The following AGO2 variants were observed in gnomAD, a reference collection of about 807,000 sequenced individuals.
AGO2 encodes the protein protein argonaute-2.
AGO2 carries 5 observed loss-of-function variants against 102.3 expected under a neutral mutation model. That is an observed-to-expected ratio of 0.05 (90% CI 0.03 to 0.10). The LOEUF (loss-of-function observed/expected upper bound fraction) is 0.10, where lower values mean the gene tolerates loss of function less well. Ranked by LOEUF, AGO2 falls within the 10% of genes least tolerant of loss-of-function variation. The probability of loss-of-function intolerance (pLI) is 1.00; values close to 1 mark genes in which losing one functional copy is unlikely to be tolerated. For missense variants in AGO2, 541 were observed against 1,183.7 expected, an observed-to-expected ratio of 0.46 and a Z score of 7.97; for synonymous variants, 449 against 473.1, an observed-to-expected ratio of 0.95 and a Z score of 0.66.
At chr8:140,604,896 G>A (rs1048232640) in intron 1 of AGO2, among the ~76,000 whole-genome samples, 41 of 152,070 alleles carry the variant, frequency 2.7e-4, no homozygotes, top group African/African-American at 7.5e-4. Flanking sequence ...TCAAGGAATG[G>A]CCATTTATCA....
At chr8:140,555,870 C>T in intron 10 of AGO2, 26 bp downstream of exon 10, 2 of 1,606,800 alleles carry the variant, frequency 1.2e-6, no homozygotes, top group East Asian at 4.5e-5. Flanking sequence ...CCCGCAGCCA[C>T]ACGTTCCCCG....
chr8:140,607,458 TTATATA>T lies in AGO2; in HGVS notation c.23-22153_23-22148del, dbSNP rs1167371585. On this transcript the variant is annotated intron_variant, in intron 1 of 18. Transcript: ENST00000220592. ...CTCACCCCCACCTCTTAAAGAAAAATTATATATATATATATATATATATATATATAT... is the reference window on the plus strand; with the variant it reads ...CTCACCCCCACCTCTTAAAGAAAAATTATATATATATATATATATATATAT... 8.4e-3 allele frequency among the ~76,000 whole-genome samples: 582 copies of T among 69,218 alleles called. 11 individuals are homozygous for T. Among genetic ancestry groups the T allele is most frequent in the Middle Eastern group, 0.014 (2 of 142 alleles). 45.4% of individuals were successfully genotyped at this position (69,218 alleles called of 152,430 possible).
chr8:140,554,355 T>C (rs556765397), intron 10 of AGO2, among the ~76,000 whole-genome samples: 1 of 152,040 alleles, frequency 6.6e-6, no homozygotes, highest in Non-Finnish European at 1.5e-5. Flanking sequence ...GCAGTGGCCA[T>C]GCCCACCACC....
chr8:140,572,974 G>T, intron 2 of AGO2, 42 bp from the exon 3 acceptor site: 1 of 1,576,324 alleles, frequency 6.3e-7, no homozygotes, highest in Non-Finnish European at 8.6e-7. Flanking sequence ...CAATAAAATG[G>T]AGAAAATGGC....
Position 140,614,790 on chromosome 8 carries a change from G to C in AGO2, c.22+20695C>G, listed in dbSNP as rs939905979. ...AAACGGGAGGATGGCAGGACCCACA[G>C]AGTCATGACCGCCTAAAGCCCTTTG... On this transcript the variant is annotated intron_variant, in intron 1 of 18. Coordinates refer to ENST00000220592, the MANE Select transcript of AGO2 (RefSeq NM_012154.5). 3.3e-5 allele frequency among the ~76,000 whole-genome samples: 5 copies of C among 152,200 alleles called. No individual in the cohort carries two copies. In the East Asian group the frequency reaches 7.7e-4, roughly 23 times the overall value.
chr8:140,631,127 G>GC (rs1386325002), intron 1 of AGO2, among the ~76,000 whole-genome samples: 1 of 151,196 alleles, frequency 6.6e-6, no homozygotes, highest in African/African-American at 2.4e-5. Flanking sequence ...TCTCCAAACA[G>GC]CCCCCCTCAA....
intron 2 of AGO2, among the ~76,000 whole-genome samples, chr8:140,575,832 G>C (rs547376660): frequency 1.3e-5 from 2 of 152,096 alleles, no homozygotes; most frequent in Admixed American, 1.3e-4. Flanking sequence ...CATGAAACAG[G>C]TTATAAACCT....
intron 17 of AGO2, among the ~76,000 whole-genome samples, chr8:140,534,036 C>G (rs1158714580): frequency 6.6e-6 from 1 of 152,248 alleles, no homozygotes; most frequent in Non-Finnish European, 1.5e-5. Context: ...CTGTCCAGCA[C>G]AGTCCCTGCC....
intron 1 of AGO2, among the ~76,000 whole-genome samples, chr8:140,615,581 A>G (rs545582660): frequency 6.6e-6 from 1 of 152,386 alleles, no homozygotes; most frequent in South Asian, 2.1e-4. Context: ...CTGACACTTC[A>G]GGGACAGAAT....
At chr8:140,593,875 C>T (rs1303798651) in intron 1 of AGO2, among the ~76,000 whole-genome samples, 1 of 152,160 alleles carries the variant, frequency 6.6e-6, no homozygotes, top group Non-Finnish European at 1.5e-5. Flanking sequence ...CACCAAGCCA[C>T]GCTGCCTTGA....
intron 2 of AGO2, among the ~76,000 whole-genome samples, chr8:140,584,827 G>A (rs930988720): frequency 3.2e-4 from 48 of 152,046 alleles, no homozygotes; most frequent in African/African-American, 1.1e-3. Context: ...AACTTTCTAG[G>A]GTGATCAGTA....
rs1333420407 is a variant in AGO2 at position 140,549,095 on chromosome 8, CG to C, written c.1588+18del. ...GACCACGACGGCTCCCCACAGCCAG[CG>C]GGAGCGCCCACACCTACCGTACACG... On this transcript the variant is annotated intron_variant, in intron 12 of 18. Transcript: ENST00000220592. 2 of 1,576,228 alleles carry C rather than the reference CG, an allele frequency of 1.3e-6. No homozygotes were observed. Among genetic ancestry groups the C allele is most frequent in the African/African-American group, 2.7e-5 (2 of 74,232 alleles).
intron 1 of AGO2, among the ~76,000 whole-genome samples, chr8:140,619,662 CAT>C (rs751942603): frequency 2.7e-4 from 41 of 152,348 alleles, no homozygotes; most frequent in Admixed American, 1.6e-3. Context: ...GAGCCACACA[CAT>C]GAGGGCTGCG....
In AGO2 at chr8:140,612,833, T is replaced by C. The variant is rs1454779206; in HGVS notation, c.22+22652A>G. Among the ~76,000 whole-genome samples the C allele has an allele frequency of 5.3e-5, 8 of 151,972 alleles. No individual in the cohort carries two copies. In the East Asian group the frequency reaches 1.5e-3, roughly 29 times the overall value. On this transcript the variant is annotated intron_variant, in intron 1 of 18. Coordinates refer to ENST00000220592, the MANE Select transcript of AGO2 (RefSeq NM_012154.5). ...AATACCCATAATTATCTGAAAAGGC[T>C]ACAACAACAACCCTCCCTTCCAGCT...
At chr8:140,564,397 ACT>A (rs1363928899) in intron 3 of AGO2, among the ~76,000 whole-genome samples, 1 of 152,008 alleles carries the variant, frequency 6.6e-6, no homozygotes, top group Admixed American at 6.6e-5. Flanking sequence ...GTTTAATACC[ACT>A]CTTTAAATAA....
At chr8:140,577,691 G>A (rs976683686) in intron 2 of AGO2, among the ~76,000 whole-genome samples, 1 of 152,154 alleles carries the variant, frequency 6.6e-6, no homozygotes, top group African/African-American at 2.4e-5. Flanking sequence ...GCCCAGGGAT[G>A]GGGGTGGCAG....
In AGO2 at chr8:140,595,850, A is replaced by G. The variant is rs1564106900; in HGVS notation, c.23-10539T>C. 1.2e-3 allele frequency among the ~76,000 whole-genome samples: 33 copies of G among 27,520 alleles called. 1 individual carries two copies. The highest frequency in any genetic ancestry group is 1.4e-3 in the African/African-American group (7 of 4,884). 18.1% of individuals were successfully genotyped at this position (27,520 alleles called of 152,430 possible). A position where few individuals can be genotyped will look rare whatever the true frequency, so the allele number is the denominator to read the frequency against. On this transcript the variant is annotated intron_variant, in intron 1 of 18. Coordinates refer to ENST00000220592, the MANE Select transcript of AGO2 (RefSeq NM_012154.5). ...TATTATATACAATTGTATATATTAT[A>G]TTTATATTATATACAATTGTATATT...
chr8:140,532,626 T>G lies in AGO2; in HGVS notation c.2272-11A>C. The G allele has an allele frequency of 6.2e-7, 1 of 1,613,540 alleles. No individual in the cohort carries two copies. On this transcript the variant is annotated splice_polypyrimidine_tract_variant and intron_variant, in intron 17 of 18. Transcript: ENST00000220592. ...AGGCCTGCTTGTCCCCTAAAGCAGA[T>G]CAGAAGATTAGACAGTTGGACTCGC...
chr8:140,632,906 C>CT lies in AGO2; in HGVS notation c.22+2578dup, dbSNP rs56679517. On this transcript the variant is annotated intron_variant, in intron 1 of 18. Coordinates refer to ENST00000220592, the MANE Select transcript of AGO2 (RefSeq NM_012154.5). ...CAAAACTATTTGTAATTTTTCTTTT[C>CT]TTTTTTTTTTTTTTCTTGAGATGGA... Among the ~76,000 whole-genome samples the CT allele has an allele frequency of 5.4e-3, 776 of 142,490 alleles. 4 individuals are homozygous for CT. The highest frequency in any genetic ancestry group is 5.6e-3 in the African/African-American group (218 of 39,062). 93.5% of individuals were successfully genotyped at this position (142,490 alleles called of 152,430 possible).
Sources: allele counts gnomAD v4.1 joint callset (sites outside exome capture counted in the v4.1 genomes callset), GRCh38; gene constraint gnomAD v4.1.1; transcripts MANE v1.5; gene names NCBI Gene and HGNC (gene_info 2026-07-23, HGNC 2026-07-21).